CDH4: variants seen among roughly 807,000 people sequenced by gnomAD.
The protein encoded by CDH4 is cadherin 4, also known as cadherin-4.
CDH4 carries 33 observed loss-of-function variants against 86.0 expected under a neutral mutation model. That is an observed-to-expected ratio of 0.38 (90% CI 0.29 to 0.51). The LOEUF (loss-of-function observed/expected upper bound fraction) is 0.51. Ranked by LOEUF, CDH4 falls within the 20% of genes least tolerant of loss-of-function variation. CDH4 has a pLI of 0.86. For missense variants in CDH4, 1,114 were observed against 1,307.4 expected (o/e 0.85, Z 2.28); for synonymous variants, 555 against 549.4 (o/e 1.01, Z -0.14).
Position 61,915,842 on chromosome 20 carries a change from A to G in CDH4, c.1374+5235A>G, listed in dbSNP as rs562001574. 7.9e-5 allele frequency among the ~76,000 whole-genome samples: 12 copies of G among 152,286 alleles called. No homozygotes were observed. In the South Asian group the frequency reaches 1.7e-3, roughly 21 times the overall value. ...TGGCCGTGCTTCCGTACACTTGTTA[A>G]CATTCCTGAGAGTGACTCTTACTGC... On this transcript the variant is annotated intron_variant, in intron 9 of 15. Transcript: ENST00000614565.
chr20:61,587,892 G>A (rs1476120978), intron 2 of CDH4, among the ~76,000 whole-genome samples: 2 of 151,900 alleles, frequency 1.3e-5, no homozygotes, highest in South Asian at 2.1e-4. Context: ...CTCCGCCCCC[G>A]CCCAGGCCCC....
chr20:61,566,872 A>G (rs1369871907), intron 2 of CDH4, among the ~76,000 whole-genome samples: 1 of 151,792 alleles, frequency 6.6e-6, no homozygotes, highest in Non-Finnish European at 1.5e-5. Context: ...GAGGCTGCCG[A>G]TGGCACGCGG....
chr20:61,350,542 G>A (rs1157586390), intron 2 of CDH4, among the ~76,000 whole-genome samples: 1 of 140,210 alleles, frequency 7.1e-6, no homozygotes, highest in Non-Finnish European at 1.5e-5. Context: ...CTCTGACCTT[G>A]CCTCTCCCAC....
intron 2 of CDH4, among the ~76,000 whole-genome samples, chr20:61,316,864 G>A (rs995952742): frequency 5.3e-5 from 8 of 152,152 alleles, no homozygotes; most frequent in African/African-American, 1.4e-4. Context: ...AGTCACAGCC[G>A]AGAAGCAGGG....
At chr20:61,476,326 G>A (rs931290508) in intron 2 of CDH4, among the ~76,000 whole-genome samples, 5 of 152,334 alleles carry the variant, frequency 3.3e-5, no homozygotes, top group East Asian at 1.9e-4. Flanking sequence ...CAAAGCCAAC[G>A]TTTGCAGGAC....
chr20:61,612,287 G>A (rs1265304803), intron 2 of CDH4, among the ~76,000 whole-genome samples: 1 of 152,040 alleles, frequency 6.6e-6, no homozygotes, highest in Admixed American at 6.5e-5. Flanking sequence ...ATTATAACCT[G>A]TAGTTAACTA....
chr20:61,873,557 G>T (rs995609109), intron 6 of CDH4, among the ~76,000 whole-genome samples, 171 bp from the exon 7 acceptor site: 1 of 152,274 alleles, frequency 6.6e-6, no homozygotes, highest in Non-Finnish European at 1.5e-5. Context: ...ATAAGGTGGG[G>T]TGGAGGCGGC....
intron 2 of CDH4, among the ~76,000 whole-genome samples, chr20:61,376,989 T>C (rs1315559312): frequency 6.6e-6 from 1 of 152,132 alleles, no homozygotes; most frequent in African/African-American, 2.4e-5. Context: ...AACTCTTTCA[T>C]CCCAACCAGT....
chr20:61,340,284 G>A (rs2084643277), intron 2 of CDH4, among the ~76,000 whole-genome samples: 1 of 152,192 alleles, frequency 6.6e-6, no homozygotes. Context: ...GGGCACCAGG[G>A]AGATGGTGTT....
intron 2 of CDH4, chr20:61,370,509 GGGTTT>G (rs2084834390): frequency 6.6e-6 from 1 of 152,180 alleles, no homozygotes; most frequent in Non-Finnish European, 1.5e-5. Flanking sequence ...CCAAGTCCAG[GGGTTT>G]CCTCCTCTAT....
chr20:61,280,389 G>C (rs986208502), intron 2 of CDH4, among the ~76,000 whole-genome samples: 3 of 152,206 alleles, frequency 2.0e-5, no homozygotes, highest in African/African-American at 7.2e-5. Flanking sequence ...CTCCCAAGGC[G>C]GGGGCGTGTG....
At chr20:61,705,212 C>T (rs1052985616) in intron 2 of CDH4, among the ~76,000 whole-genome samples, 3 of 152,206 alleles carry the variant, frequency 2.0e-5, no homozygotes, top group Non-Finnish European at 2.9e-5. Flanking sequence ...TGGAGGCATC[C>T]GCACCTGAGC....
At chr20:61,767,517 G>GAGGGGC (rs2088714278) in intron 3 of CDH4, among the ~76,000 whole-genome samples, 1 of 152,232 alleles carries the variant, frequency 6.6e-6, no homozygotes, top group African/African-American at 2.4e-5. Flanking sequence ...CAGGCAGAGA[G>GAGGGGC]AGGGGCAGGA....
intron 2 of CDH4, among the ~76,000 whole-genome samples, chr20:61,585,652 A>C (rs550520285): frequency 1.3e-5 from 2 of 150,302 alleles, no homozygotes; most frequent in African/African-American, 4.9e-5. Context: ...GATGATGGTG[A>C]TGGTGATGGT....
chr20:61,515,953 C>T (rs1256671881), intron 2 of CDH4, among the ~76,000 whole-genome samples: 2 of 152,118 alleles, frequency 1.3e-5, no homozygotes, highest in African/African-American at 4.8e-5. Flanking sequence ...CCTGCCATCC[C>T]TCACCCCTCC....
intron 6 of CDH4, among the ~76,000 whole-genome samples, chr20:61,866,424 C>A (rs1983552693): frequency 1.3e-5 from 2 of 152,138 alleles, no homozygotes; most frequent in South Asian, 4.1e-4. Context: ...GAAGCTGAGG[C>A]CTCCCCCTCC....
intron 6 of CDH4, among the ~76,000 whole-genome samples, chr20:61,866,016 C>T (rs193242289): frequency 3.3e-4 from 50 of 152,278 alleles, no homozygotes; most frequent in Non-Finnish European, 5.0e-4. Flanking sequence ...TGGGATCATA[C>T]GGTACCCTGT....
chr20:61,652,120 G>T (rs929995185), intron 2 of CDH4, among the ~76,000 whole-genome samples: 13 of 152,202 alleles, frequency 8.5e-5, no homozygotes. Flanking sequence ...GTCTGTGCAC[G>T]TGCCAGCGCT....
At chr20:61,524,278 C>T (rs2085894422) in intron 2 of CDH4, among the ~76,000 whole-genome samples, 1 of 152,102 alleles carries the variant, frequency 6.6e-6, no homozygotes, top group South Asian at 2.1e-4. Flanking sequence ...TAAAAATACC[C>T]AAAGGAGGGC....
Sources: allele counts gnomAD v4.1 joint callset (sites outside exome capture counted in the v4.1 genomes callset), GRCh38; gene constraint gnomAD v4.1.1; transcripts MANE v1.5; gene names NCBI Gene and HGNC (gene_info 2026-07-23, HGNC 2026-07-21).